FHIT: variants seen among roughly 807,000 people sequenced by gnomAD.
FHIT encodes the protein bis(5'-adenosyl)-triphosphatase.
FHIT carries 19 observed loss-of-function variants against 17.9 expected under a neutral mutation model. The observed-to-expected ratio is 1.06, with a 90% CI of 0.74 to 1.56. The LOEUF (loss-of-function observed/expected upper bound fraction) is 1.56, where lower values mean the gene tolerates loss of function less well. Ranked by LOEUF, FHIT falls within the 40% of genes most tolerant of loss-of-function variation. The pLI is 0.00. For missense variants in FHIT, 248 were observed against 189.2 expected (o/e 1.31, Z -1.82); for synonymous variants, 81 against 69.7 (o/e 1.16, Z -0.81).
chr3:60,361,427 A>AC (rs1699902699), intron 5 of FHIT, among the ~76,000 whole-genome samples: 1 of 152,234 alleles, frequency 6.6e-6, no homozygotes, highest in East Asian at 1.9e-4. Context: ...AGTAAAAGAC[A>AC]CCCCCACCAA....
At chr3:60,059,191 T>C (rs535050864) in intron 5 of FHIT, among the ~76,000 whole-genome samples, 4 of 152,224 alleles carry the variant, frequency 2.6e-5, no homozygotes, top group Admixed American at 6.5e-5. Flanking sequence ...CCTATATTGA[T>C]AGGAAACACC....
chr3:60,844,201 A>C (rs1466568219), intron 3 of FHIT, among the ~76,000 whole-genome samples: 1 of 152,220 alleles, frequency 6.6e-6, no homozygotes, highest in East Asian at 1.9e-4. Flanking sequence ...ATGTTAAATG[A>C]GACAAACAGG....
chr3:61,209,136 A>AT (rs1454740088), intron 1 of FHIT, among the ~76,000 whole-genome samples: 1 of 151,876 alleles, frequency 6.6e-6, no homozygotes, highest in Non-Finnish European at 1.5e-5. Context: ...AGAATGTTGA[A>AT]TATTGGCCCC....
At chr3:59,792,613 C>A (rs890599337) in intron 8 of FHIT, among the ~76,000 whole-genome samples, 10 of 152,028 alleles carry the variant, frequency 6.6e-5, no homozygotes, top group African/African-American at 2.2e-4. Flanking sequence ...GATTTGATGA[C>A]AATTAAAGGA....
At chr3:59,968,422 T>C (rs534035186) in intron 7 of FHIT, among the ~76,000 whole-genome samples, 3 of 151,512 alleles carry the variant, frequency 2.0e-5, no homozygotes, top group African/African-American at 7.3e-5. Context: ...TTTAGTAGGC[T>C]ATCAAAACAA....
chr3:59,751,232 TTCTCTCTC>T (rs10577548), intron 9 of FHIT: 2 of 175,902 alleles, frequency 1.1e-5, no homozygotes, highest in African/African-American at 2.4e-5. Context: ...ATAGATACAT[TTCTCTCTC>T]TCTCTCTCCT....
intron 5 of FHIT, among the ~76,000 whole-genome samples, chr3:60,379,822 C>T (rs907261998): frequency 3.3e-5 from 5 of 152,118 alleles, no homozygotes; most frequent in Admixed American, 2.0e-4. Flanking sequence ...TTGAGGGAGA[C>T]TGATGTGCGT....
At chr3:61,201,846 A>G (rs986365809) in intron 1 of FHIT, among the ~76,000 whole-genome samples, 1 of 152,202 alleles carries the variant, frequency 6.6e-6, no homozygotes, top group Non-Finnish European at 1.5e-5. Context: ...TAAGAGATGA[A>G]TAATCTGATA....
chr3:60,575,960 T>C (rs1553657463), intron 4 of FHIT, among the ~76,000 whole-genome samples: 2 of 151,974 alleles, frequency 1.3e-5, no homozygotes, highest in South Asian at 2.1e-4. Context: ...TGGTGGGAGA[T>C]GTAGTTGCAG....
chr3:60,043,472 A>G (rs1396869426), intron 5 of FHIT, among the ~76,000 whole-genome samples: 2 of 152,150 alleles, frequency 1.3e-5, no homozygotes, highest in African/African-American at 4.8e-5. Flanking sequence ...GCTCCATTTT[A>G]CAGATGGAGA....
At chr3:60,891,114 A>G (rs1559805073) in intron 3 of FHIT, among the ~76,000 whole-genome samples, 1 of 152,198 alleles carries the variant, frequency 6.6e-6, no homozygotes, top group African/African-American at 2.4e-5. Context: ...ACACAGTCCT[A>G]GAAGACCTTC....
chr3:61,045,387 A>C (rs1256705862), intron 2 of FHIT, among the ~76,000 whole-genome samples: 2 of 152,218 alleles, frequency 1.3e-5, no homozygotes. Flanking sequence ...TCAAAGAGAC[A>C]AAGAAGGCCG....
intron 5 of FHIT, among the ~76,000 whole-genome samples, chr3:60,030,034 T>C (rs995807550): frequency 6.6e-6 from 1 of 152,088 alleles, no homozygotes; most frequent in Non-Finnish European, 1.5e-5. Flanking sequence ...TGGCCTTTCC[T>C]AGCTCTATTT....
intron 3 of FHIT, among the ~76,000 whole-genome samples, chr3:61,031,903 C>G (rs77856438): frequency 6.6e-6 from 1 of 152,212 alleles, no homozygotes; most frequent in Non-Finnish European, 1.5e-5. Flanking sequence ...AGTTCACCTT[C>G]TGTAAGTTAA....
At chr3:60,531,687 A>G (rs2035793004) in intron 5 of FHIT, among the ~76,000 whole-genome samples, 1 of 152,200 alleles carries the variant, frequency 6.6e-6, no homozygotes, top group African/African-American at 2.4e-5. Flanking sequence ...AATATTTCTG[A>G]TTTTTATGGA....
In FHIT at chr3:59,901,355, G is replaced by T. The variant is rs116206744; in HGVS notation, c.348+20991C>A. Among the ~76,000 whole-genome samples, 238 of 152,318 alleles carry T rather than the reference G, an allele frequency of 1.6e-3. 1 individual carries two copies. The highest frequency in any genetic ancestry group is 3.0e-3 in the Non-Finnish European group (202 of 68,026). On this transcript the variant is annotated intron_variant, in intron 8 of 9. Coordinates refer to ENST00000492590, the MANE Select transcript of FHIT (RefSeq NM_002012.4). ...TGCTTCACCTGCAAGACAAAGGTAAGTATGCCAATCTCGGGAGAGGTATCA... is the reference window on the plus strand; with the variant it reads ...TGCTTCACCTGCAAGACAAAGGTAATTATGCCAATCTCGGGAGAGGTATCA...
chr3:59,751,238 C>T (rs1390493707), intron 9 of FHIT: 1 of 177,880 alleles, frequency 5.6e-6, no homozygotes, highest in Non-Finnish European at 1.2e-5. Context: ...ACATTTCTCT[C>T]TCTCTCTCTC....
In FHIT at chr3:60,714,347, G is replaced by A. The variant is rs574742101; in HGVS notation, c.-18+107572C>T. On this transcript the variant is annotated intron_variant, in intron 4 of 9. Coordinates refer to ENST00000492590, the MANE Select transcript of FHIT (RefSeq NM_002012.4). ...ATATCATACTGAATGGGCAAAAACC[G>A]GAAGCATTCCCTTTGAAAACTGGCA... 4.1e-4 allele frequency among the ~76,000 whole-genome samples: 63 copies of A among 152,096 alleles called. No individual in the cohort carries two copies. The East Asian group carries it at 7.8e-3, about 19-fold the overall frequency.
At chr3:60,712,788 C>T (rs12497605) in intron 4 of FHIT, among the ~76,000 whole-genome samples, 107,908 of 129,710 alleles carry the variant, frequency 0.83, 46,725 homozygotes, top group East Asian at 1. Flanking sequence ...AAGTCCTGAG[C>T]GACCTACAAA....
Sources: gnomAD v4.1 joint callset for allele counts (sites outside exome capture counted in the v4.1 genomes callset) on GRCh38, gnomAD v4.1.1 for gene constraint, MANE v1.5 for transcripts, NCBI Gene and HGNC (gene_info 2026-07-23, HGNC 2026-07-21) for gene names.